Variants in FLT3 observed in about 807,000 individuals in gnomAD.
FLT3 encodes the protein fms related receptor tyrosine kinase 3, also known as receptor-type tyrosine-protein kinase FLT3.
A neutral mutation model predicts 126.6 loss-of-function variants in FLT3; 46 were observed. That is an observed-to-expected ratio of 0.36 (90% CI 0.29 to 0.46). FLT3 has a LOEUF of 0.46. FLT3 is among the 20% of genes least tolerant of loss of function. FLT3 has a pLI of 1.00. For missense variants in FLT3, 1,069 were observed against 1,190.3 expected (o/e 0.90, Z 1.50); for synonymous variants, 404 against 434.4 (o/e 0.93, Z 0.87).
intron 15 of FLT3, among the ~76,000 whole-genome samples, chr13:28,033,430 G>A (rs533857032): frequency 2.6e-5 from 4 of 152,284 alleles, no homozygotes; most frequent in Non-Finnish European, 4.4e-5. Flanking sequence ...TTGGGAGGCC[G>A]AGGCGGGCAG....
intron 9 of FLT3, among the ~76,000 whole-genome samples, chr13:28,039,901 C>G (rs1266334241): frequency 2.0e-5 from 3 of 151,970 alleles, no homozygotes; most frequent in African/African-American, 7.3e-5. Flanking sequence ...CTATGTTGCC[C>G]AGGCTGGTCT....
rs1877913807 is a variant in FLT3, at chr13:28,076,191, G to A, written c.44-5579C>T. The stretch of plus-strand genomic sequence containing the variant: ...CATCCATGCAATTAACAAATATTAA[G>A]TACCTACAATGGCCCCAAAAAGAGA... On this transcript the variant is annotated intron_variant, in intron 1 of 23. Transcript: ENST00000241453. Among the ~76,000 whole-genome samples the A allele has an allele frequency of 2.0e-5, 3 of 152,054 alleles. No individual in the cohort carries two copies. The South Asian group carries it at 6.2e-4, about 31-fold the overall frequency.
chr13:28,048,235 T>C, intron 9 of FLT3, 40 bp downstream of exon 9: 2 of 1,523,870 alleles, frequency 1.3e-6, no homozygotes, highest in Non-Finnish European at 1.8e-6. Context: ...CAAGGAGAAT[T>C]ATGCTAAAAA....
At chr13:28,066,801 C>T (rs1379011066) in intron 2 of FLT3, among the ~76,000 whole-genome samples, 1 of 152,116 alleles carries the variant, frequency 6.6e-6, no homozygotes, top group Admixed American at 6.5e-5. Flanking sequence ...AGGCAAGATC[C>T]ACCAATGGGT....
At chr13:28,032,037 C>G (rs759508027) in intron 15 of FLT3, among the ~76,000 whole-genome samples, 9 of 152,150 alleles carry the variant, frequency 5.9e-5, no homozygotes, top group South Asian at 4.2e-4. Context: ...TAATCGGAAA[C>G]CTGATAGGAT....
chr13:28,016,744 T>C (rs1871899999), intron 20 of FLT3, among the ~76,000 whole-genome samples: 1 of 152,212 alleles, frequency 6.6e-6, no homozygotes, highest in South Asian at 2.1e-4. Context: ...TGGTTCCAAA[T>C]GGAATTCACT....
At chr13:28,052,089 T>C (rs990242223) in intron 5 of FLT3, among the ~76,000 whole-genome samples, 1 of 151,734 alleles carries the variant, frequency 6.6e-6, no homozygotes, top group Non-Finnish European at 1.5e-5. Context: ...TTTTATTTTT[T>C]TAATTTTATT....
intron 21 of FLT3, 60 bp downstream of exon 21, chr13:28,015,530 C>G: frequency 1.1e-6 from 1 of 927,242 alleles, no homozygotes; most frequent in South Asian, 1.3e-5. Context: ...TGGGGCGGCA[C>G]CGAGAGAGCA....
chr13:28,082,704 TGTTTTG>T (rs1358766271), intron 1 of FLT3, among the ~76,000 whole-genome samples: 1 of 150,920 alleles, frequency 6.6e-6, no homozygotes, highest in Non-Finnish European at 1.5e-5. Flanking sequence ...TGTTTTGTTT[TGTTTTG>T]TTTTGTTTTT....
In FLT3 at chr13:28,003,621, G is replaced by A. The variant is rs888547361; in HGVS notation, c.*431C>T. 13 of 247,824 alleles carry A rather than the reference G, an allele frequency of 5.2e-5. No homozygotes were observed. Among genetic ancestry groups the A allele is most frequent in the African/African-American group, 2.8e-4 (13 of 45,666 alleles). 15.4% of individuals were successfully genotyped at this position (247,824 alleles called of 1,614,324 possible). Reference sequence around the variant, plus strand: ...TAATTCAATAATGGGCAATTCTGTAGTAGAAATTTTATTCCCACCCATAAA... The same window carrying A: ...TAATTCAATAATGGGCAATTCTGTAATAGAAATTTTATTCCCACCCATAAA... On this transcript the variant is annotated 3_prime_UTR_variant, in exon 24 of 24. Coordinates refer to ENST00000241453, the MANE Select transcript of FLT3 (RefSeq NM_004119.3).
At chr13:28,020,603 C>T (rs1005137863) in intron 19 of FLT3, among the ~76,000 whole-genome samples, 1 of 152,170 alleles carries the variant, frequency 6.6e-6, no homozygotes, top group Non-Finnish European at 1.5e-5. Flanking sequence ...GTCTCAACCT[C>T]CCAAAGTGCT....
At chr13:28,075,865 G>A (rs1877892965) in intron 1 of FLT3, among the ~76,000 whole-genome samples, 2 of 149,950 alleles carry the variant, frequency 1.3e-5, no homozygotes, top group African/African-American at 2.5e-5. Flanking sequence ...GCACCATCTC[G>A]GCTCACTGCA....
intron 9 of FLT3, among the ~76,000 whole-genome samples, chr13:28,039,673 C>T (rs1186759411): frequency 2.6e-5 from 4 of 151,394 alleles, no homozygotes; most frequent in African/African-American, 7.3e-5. Context: ...CTCAGCCTCC[C>T]AAGTAGCTGG....
At chr13:28,069,421 C>T (rs1179240646) in intron 2 of FLT3, among the ~76,000 whole-genome samples, 2 of 151,978 alleles carry the variant, frequency 1.3e-5, no homozygotes, top group Non-Finnish European at 2.9e-5. Flanking sequence ...TCAATAAATA[C>T]AAGAATAAGA....
intron 10 of FLT3, 136 bp downstream of exon 10, chr13:28,037,049 G>C (rs17086239): frequency 0.05 from 30,971 of 615,340 alleles, 1,186 homozygotes; most frequent in Admixed American, 0.15. Context: ...TGAGAGTAAA[G>C]TTTCAAAACA....
At position 28,014,436 on chromosome 13, in the gene FLT3, C is replaced by T; in HGVS notation, c.2859+16G>A. 1.3e-6 allele frequency: 2 copies of T among 1,559,084 alleles called. No homozygotes were observed. Among genetic ancestry groups the T allele is most frequent in the South Asian group, 1.1e-5 (1 of 89,926 alleles). ...TTTCCTTTGTAAAGCTTTATAAAGT[C>T]CTGGCTGCTACATACCGCTTCTTCT... On this transcript the variant is annotated intron_variant, in intron 23 of 23. Coordinates refer to ENST00000241453, the MANE Select transcript of FLT3 (RefSeq NM_004119.3).
chr13:28,098,174 G>A (rs926836713), intron 1 of FLT3, among the ~76,000 whole-genome samples: 20 of 152,084 alleles, frequency 1.3e-4, no homozygotes, highest in Non-Finnish European at 2.4e-4. Flanking sequence ...AATTAGCTGG[G>A]TGCGGTGGCA....
chr13:28,038,379 C>T (rs1874031098), intron 9 of FLT3, among the ~76,000 whole-genome samples: 1 of 152,084 alleles, frequency 6.6e-6, no homozygotes, highest in African/African-American at 2.4e-5. Context: ...AAAAAAATTC[C>T]CTTAAAACAG....
At chr13:28,087,638 C>G (rs2137820509) in intron 1 of FLT3, among the ~76,000 whole-genome samples, 1 of 152,236 alleles carries the variant, frequency 6.6e-6, no homozygotes, top group African/African-American at 2.4e-5. Flanking sequence ...TCCATTCTCT[C>G]CTTTAGGGAC....
Sources: allele counts gnomAD v4.1 joint callset (sites outside exome capture counted in the v4.1 genomes callset), GRCh38; gene constraint gnomAD v4.1.1; transcripts MANE v1.5; gene names NCBI Gene and HGNC (gene_info 2026-07-23, HGNC 2026-07-21).